Variants in LHFPL3 observed in about 807,000 individuals in gnomAD.
The protein encoded by LHFPL3 is LHFPL tetraspan subfamily member 3, also known as LHFPL tetraspan subfamily member 3 protein.
LHFPL3 carries 5 observed loss-of-function variants against 19.3 expected under a neutral mutation model. That is an observed-to-expected ratio of 0.26 (90% CI 0.14 to 0.54). The LOEUF is 0.54. Ranked by LOEUF, LHFPL3 falls within the 20% of genes least tolerant of loss-of-function variation. The pLI, the probability that LHFPL3 is intolerant of heterozygous loss-of-function variation, is 0.94. For missense variants in LHFPL3, 249 were observed against 307.4 expected, an observed-to-expected ratio of 0.81 and a Z score of 1.42; for synonymous variants, 133 against 126.2, an observed-to-expected ratio of 1.05 and a Z score of -0.36.
At chr7:104,784,752 C>T (rs572407042) in intron 2 of LHFPL3, among the ~76,000 whole-genome samples, 4 of 152,292 alleles carry the variant, frequency 2.6e-5, no homozygotes, top group Admixed American at 6.5e-5. Context: ...ATATGACTTT[C>T]ATGTCATAGG....
At position 104,602,020 on chromosome 7, in the gene LHFPL3, C is replaced by CTTTTTTTTTTTTTT. The variant is rs57501560; in HGVS notation, c.446-134648_446-134635dup. Among the ~76,000 whole-genome samples, 307 of 91,412 alleles carry CTTTTTTTTTTTTTT rather than the reference C, an allele frequency of 3.4e-3. 3 individuals are homozygous for CTTTTTTTTTTTTTT. Among genetic ancestry groups the CTTTTTTTTTTTTTT allele is most frequent in the Non-Finnish European group, 4.0e-3 (207 of 51,630 alleles). 60.0% of individuals were successfully genotyped at this position (91,412 alleles called of 152,430 possible). ...TAGCAATTTATTTTCTTTTTCTTTT[C>CTTTTTTTTTTTTTT]TTTTTTTTTTTTTTTTTTTTCTGAC... is the stretch of plus-strand genomic sequence containing the variant. On this transcript the variant is annotated intron_variant, in intron 1 of 2. Transcript: ENST00000424859.
rs78137032 is a variant in LHFPL3, at chr7:104,609,662, T to C, written c.446-127013T>C. On this transcript the variant is annotated intron_variant, in intron 1 of 2. Coordinates refer to ENST00000424859, the MANE Select transcript of LHFPL3 (RefSeq NM_199000.3). ...ATAAAACAGTTAAACATGCAGTTCC[T>C]GCCAAGCTTGTTTGCCATCACTTCC... is the stretch of plus-strand genomic sequence containing the variant. Among the ~76,000 whole-genome samples, 609 of 152,360 alleles carry C rather than the reference T, an allele frequency of 4.0e-3. 33 individuals carry two copies. In the East Asian group the frequency reaches 0.098, roughly 25 times the overall value.
At chr7:104,815,458 G>T (rs1226548283) in intron 2 of LHFPL3, among the ~76,000 whole-genome samples, 3 of 152,158 alleles carry the variant, frequency 2.0e-5, no homozygotes, top group Non-Finnish European at 2.9e-5. Context: ...GTTAAACTGT[G>T]CCTTTGTATT....
intron 1 of LHFPL3, among the ~76,000 whole-genome samples, chr7:104,432,830 A>G (rs1159498531): frequency 6.6e-6 from 1 of 152,074 alleles, no homozygotes; most frequent in Non-Finnish European, 1.5e-5. Flanking sequence ...TCCTCAGCAT[A>G]TCATAGATTC....
At chr7:104,444,614 A>G (rs1243077418) in intron 1 of LHFPL3, among the ~76,000 whole-genome samples, 1 of 152,224 alleles carries the variant, frequency 6.6e-6, no homozygotes, top group Non-Finnish European at 1.5e-5. Context: ...TTATCAAATC[A>G]TAAATATGGA....
intron 2 of LHFPL3, chr7:104,799,925 A>T (rs1208299568): frequency 6.5e-6 from 1 of 152,736 alleles, no homozygotes; most frequent in Non-Finnish European, 1.5e-5. Context: ...CCATCTTCCT[A>T]CTCCACAATT....
At chr7:104,741,517 A>G (rs1188767318) in intron 2 of LHFPL3, among the ~76,000 whole-genome samples, 1 of 149,820 alleles carries the variant, frequency 6.7e-6, no homozygotes, top group African/African-American at 2.4e-5. Flanking sequence ...AAACCTCTTT[A>G]AATATCTAAC....
chr7:104,566,537 T>C (rs1179504096), intron 1 of LHFPL3, among the ~76,000 whole-genome samples: 1 of 152,162 alleles, frequency 6.6e-6, no homozygotes, highest in Non-Finnish European at 1.5e-5. Flanking sequence ...ATGATGGGTT[T>C]TCACATAAGA....
intron 1 of LHFPL3, 71 bp downstream of exon 1, chr7:104,329,295 G>T: frequency 6.6e-7 from 1 of 1,514,242 alleles, no homozygotes; most frequent in South Asian, 1.3e-5. Context: ...GCCAGAGTGG[G>T]AGGGACGGGG....
intron 1 of LHFPL3, among the ~76,000 whole-genome samples, chr7:104,467,198 G>T (rs1009240243): frequency 2.3e-4 from 35 of 152,262 alleles, no homozygotes; most frequent in African/African-American, 8.4e-4. Context: ...AACATTCAAT[G>T]TAAAAAATGG....
intron 2 of LHFPL3, among the ~76,000 whole-genome samples, chr7:104,760,000 A>G (rs1369572752): frequency 3.3e-5 from 5 of 152,176 alleles, no homozygotes; most frequent in Admixed American, 2.0e-4. Context: ...ACCACTGGGT[A>G]GCAGTGGTTC....
intron 1 of LHFPL3, among the ~76,000 whole-genome samples, chr7:104,642,840 C>A (rs1791862475): frequency 2.0e-5 from 3 of 152,148 alleles, no homozygotes; most frequent in Admixed American, 2.0e-4. Flanking sequence ...AGCAGGCATT[C>A]CACATGTAAA....
At chr7:104,774,094 T>A (rs2116405397) in intron 2 of LHFPL3, among the ~76,000 whole-genome samples, 1 of 152,296 alleles carries the variant, frequency 6.6e-6, no homozygotes, top group Non-Finnish European at 1.5e-5. Flanking sequence ...GTTCTAATCA[T>A]GCTCAATGTT....
At chr7:104,413,797 G>A (rs739506) in intron 1 of LHFPL3, among the ~76,000 whole-genome samples, 14,904 of 151,920 alleles carry the variant, frequency 0.098, 805 homozygotes, top group African/African-American at 0.13. Flanking sequence ...GTATTTTAAG[G>A]CCATTTAAAA....
intron 1 of LHFPL3, among the ~76,000 whole-genome samples, chr7:104,690,486 C>T (rs1216428523): frequency 6.6e-6 from 1 of 152,212 alleles, no homozygotes; most frequent in African/African-American, 2.4e-5. Flanking sequence ...TGGTCCATTA[C>T]ATTGATGACA....
At chr7:104,704,296 A>G (rs1793149025) in intron 1 of LHFPL3, among the ~76,000 whole-genome samples, 1 of 152,126 alleles carries the variant, frequency 6.6e-6, no homozygotes, top group Non-Finnish European at 1.5e-5. Flanking sequence ...AAAATTTGTG[A>G]GTTTTTCTAG....
At chr7:104,350,816 A>G (rs4729997) in intron 1 of LHFPL3, among the ~76,000 whole-genome samples, 86,728 of 151,530 alleles carry the variant, frequency 0.57, 26,274 homozygotes, top group East Asian at 0.88. Context: ...GAGGTGGGTG[A>G]ATTCCCTGAG....
chr7:104,586,286 G>A (rs534212347), intron 1 of LHFPL3, among the ~76,000 whole-genome samples: 1 of 152,126 alleles, frequency 6.6e-6, no homozygotes, highest in South Asian at 2.1e-4. Context: ...GGAAATGATA[G>A]GACATTATTT....
chr7:104,440,920 G>A (rs1413684106), intron 1 of LHFPL3, among the ~76,000 whole-genome samples: 4 of 152,044 alleles, frequency 2.6e-5, no homozygotes, highest in Admixed American at 2.0e-4. Flanking sequence ...CATATAAATT[G>A]ATGAATTTAG....
Sources: allele counts gnomAD v4.1 joint callset (sites outside exome capture counted in the v4.1 genomes callset), GRCh38; gene constraint gnomAD v4.1.1; transcripts MANE v1.5; gene names NCBI Gene and HGNC (gene_info 2026-07-23, HGNC 2026-07-21).